Variants in ITGA9 observed in about 807,000 individuals in gnomAD.
ITGA9 encodes the protein integrin alpha-9.
A neutral mutation model predicts 127.8 loss-of-function variants in ITGA9; 56 were observed. The observed-to-expected ratio is 0.44, with a 90% CI of 0.35 to 0.55. The LOEUF (loss-of-function observed/expected upper bound fraction) is 0.55, where lower values mean the gene tolerates loss of function less well. Among genes scored for constraint, ITGA9 ranks in the 20% least tolerant of loss-of-function variants. The pLI is 0.00. For synonymous variants in ITGA9, 508 were observed against 514.5 expected (o/e 0.99, Z 0.17); for missense variants, 1,196 against 1,347.1 (o/e 0.89, Z 1.76).
In ITGA9 at chr3:37,452,485, C is replaced by A; in HGVS notation, c.111C>A (p.Pro37=). Residue 37 remains proline (P), a synonymous_variant, in exon 1 of 28, where the codon CCC becomes CCA. Transcript: ENST00000264741. The surrounding 1 kb of genome is among the most constrained non-coding windows in gnomAD (Gnocchi z 7.3). The part of the protein sequence containing the change: ...AGAYNLDPQR[P]VHFQGPADSF... ...CCTACAACCTCGACCCGCAGCGCCC[C>A]GTGCACTTCCAGGGCCCCGCTGACT... 6.6e-7 allele frequency: 1 copy of A among 1,516,340 alleles called. No homozygotes were observed. Among genetic ancestry groups the A allele is most frequent in the Non-Finnish European group, 8.8e-7 (1 of 1,131,766 alleles). 93.9% of individuals were successfully genotyped at this position (1,516,340 alleles called of 1,614,324 possible).
chr3:37,821,001 G>A lies in ITGA9; in HGVS notation c.*2012G>A, dbSNP rs1409454062. ...TTTTGGCAAAATTATGAGGGTGATG[G>A]GTGGGTACTAACCTGGCATGGAGCA... is the stretch of plus-strand genomic sequence containing the variant. On this transcript the variant is annotated 3_prime_UTR_variant, in exon 28 of 28. Transcript: ENST00000264741. 6.6e-6 allele frequency: 1 copy of A among 152,140 alleles called. No individual in the cohort carries two copies. Among genetic ancestry groups the A allele is most frequent in the Non-Finnish European group, 1.5e-5 (1 of 68,036 alleles). 9.4% of individuals were successfully genotyped at this position (152,140 alleles called of 1,614,324 possible).
At chr3:37,671,946 C>T (rs13080164) in intron 17 of ITGA9, among the ~76,000 whole-genome samples, 85,496 of 152,016 alleles carry the variant, frequency 0.56, 24,448 homozygotes, top group African/African-American at 0.66. Context: ...TAAATATGAA[C>T]ATAAAGCCAC....
At chr3:37,645,240 A>C (rs924221130) in intron 16 of ITGA9, among the ~76,000 whole-genome samples, 7 of 152,188 alleles carry the variant, frequency 4.6e-5, no homozygotes, top group African/African-American at 1.7e-4. Flanking sequence ...CCATAGGGGC[A>C]GAGACCTTCT....
chr3:37,503,271 G>A lies in ITGA9; in HGVS notation c.706G>A (p.Asp236Asn), dbSNP rs765759234. The change falls in exon 6 of 28, where the codon GAC (aspartate) becomes AAC (asparagine). Residue 236 changes from aspartate (D) to asparagine (N), a missense_variant. By Grantham distance (23) the Asp-to-Asn change is conservative (BLOSUM62 1). Coordinates refer to ENST00000264741, the MANE Select transcript of ITGA9 (RefSeq NM_002207.3). ...GGACAACACCTATTTAAAACTGAAC[G>A]ACGAAGTGATCATGAACAGGCGGTA... ...LTDNTYLKLNDEVIMNRRYTY... is the reference protein window; with the variant it reads ...LTDNTYLKLNNEVIMNRRYTY... 2.5e-6 allele frequency: 4 copies of A among 1,613,948 alleles called. No homozygotes were observed. The highest frequency in any genetic ancestry group is 1.7e-5 in the Admixed American group (1 of 60,000).
chr3:37,688,864 A>G (rs770503008), intron 18 of ITGA9, among the ~76,000 whole-genome samples: 73 of 152,088 alleles, frequency 4.8e-4, no homozygotes, highest in Non-Finnish European at 9.7e-4. Flanking sequence ...AGGTAGGTAG[A>G]TGACTGGCTG....
intron 3 of ITGA9, among the ~76,000 whole-genome samples, chr3:37,474,346 A>T: frequency 6.6e-6 from 1 of 152,192 alleles, no homozygotes; most frequent in African/African-American, 2.4e-5. Flanking sequence ...ATAATCACAA[A>T]TGGTTACTGG....
At position 37,563,527 on chromosome 3, in the gene ITGA9, G is replaced by A. The variant is rs568480946; in HGVS notation, c.1689+20942G>A. 7.9e-5 allele frequency among the ~76,000 whole-genome samples: 12 copies of A among 152,282 alleles called. No individual in the cohort carries two copies. In the South Asian group the frequency reaches 2.5e-3, roughly 32 times the overall value. On this transcript the variant is annotated intron_variant, in intron 15 of 27. Coordinates refer to ENST00000264741, the MANE Select transcript of ITGA9 (RefSeq NM_002207.3). ...TGGATAATCCCACCTCCCCATTCTGGATGTGCCAGCACTTTTCCTACTCAT... is the reference window on the plus strand; with the variant it reads ...TGGATAATCCCACCTCCCCATTCTGAATGTGCCAGCACTTTTCCTACTCAT...
chr3:37,665,942 A>T (rs1198828915), intron 17 of ITGA9, among the ~76,000 whole-genome samples: 1 of 152,218 alleles, frequency 6.6e-6, no homozygotes, highest in Non-Finnish European at 1.5e-5. Flanking sequence ...GAAGGGTGAC[A>T]TGCCCTTCCA....
At chr3:37,708,625 G>GAAT (rs1701035586) in intron 18 of ITGA9, among the ~76,000 whole-genome samples, 1 of 244 alleles carries the variant, frequency 4.1e-3, no homozygotes, top group Non-Finnish European at 0.01. Flanking sequence ...CATCTAGTGG[G>GAAT]TATGCCAGGG....
At chr3:37,521,018 C>T (rs1029637729) in intron 11 of ITGA9, among the ~76,000 whole-genome samples, 7 of 152,082 alleles carry the variant, frequency 4.6e-5, no homozygotes, top group East Asian at 1.9e-4. Context: ...TAGCGTGGAG[C>T]GTCTTTAGTG....
At chr3:37,689,060 G>A (rs1455909458) in intron 18 of ITGA9, among the ~76,000 whole-genome samples, 1 of 151,598 alleles carries the variant, frequency 6.6e-6, no homozygotes, top group Non-Finnish European at 1.5e-5. Flanking sequence ...CTGGCTGGGT[G>A]GATGGGTGGG....
chr3:37,751,809 C>T (rs1160295165), intron 23 of ITGA9, among the ~76,000 whole-genome samples: 1 of 152,164 alleles, frequency 6.6e-6, no homozygotes, highest in Non-Finnish European at 1.5e-5. Context: ...GAAACAAATC[C>T]TTTGGATTTT....
At chr3:37,783,583 C>T (rs1697003981) in intron 25 of ITGA9, among the ~76,000 whole-genome samples, 1 of 152,100 alleles carries the variant, frequency 6.6e-6, no homozygotes, top group Non-Finnish European at 1.5e-5. Flanking sequence ...GTGATCCTCC[C>T]ACTTCAGTCT....
intron 17 of ITGA9, among the ~76,000 whole-genome samples, chr3:37,655,098 G>A (rs995350555): frequency 3.3e-5 from 5 of 152,126 alleles, no homozygotes; most frequent in Admixed American, 2.0e-4. Flanking sequence ...ATCATTGATG[G>A]GCATTTGGGT....
At chr3:37,542,705 G>T (rs1437041663) in intron 15 of ITGA9, 120 bp downstream of exon 15, 6 of 981,868 alleles carry the variant, frequency 6.1e-6, no homozygotes, top group Non-Finnish European at 9.5e-6. Context: ...ATTTCACAGG[G>T]AGGAGCATAT....
intron 23 of ITGA9, among the ~76,000 whole-genome samples, chr3:37,760,857 T>A (rs1294471982): frequency 1.3e-5 from 2 of 152,082 alleles, no homozygotes; most frequent in Non-Finnish European, 2.9e-5. Context: ...AAATACATCA[T>A]AAGGGAAAAG....
At chr3:37,522,064 C>A (rs1013734423) in intron 11 of ITGA9, among the ~76,000 whole-genome samples, 1 of 152,026 alleles carries the variant, frequency 6.6e-6, no homozygotes, top group African/African-American at 2.4e-5. Context: ...AAAACTCCCC[C>A]CTCCTTGCCT....
chr3:37,661,794 A>G (rs963296937), intron 17 of ITGA9, among the ~76,000 whole-genome samples: 2 of 152,198 alleles, frequency 1.3e-5, no homozygotes, highest in African/African-American at 2.4e-5. Flanking sequence ...GCTGGGAGAT[A>G]GTGGTACCAC....
chr3:37,666,380 A>T (rs1022063467), intron 17 of ITGA9, among the ~76,000 whole-genome samples: 3 of 152,080 alleles, frequency 2.0e-5, no homozygotes, highest in Admixed American at 2.0e-4. Context: ...TCACCCCAGA[A>T]CTCCATGACT....
Sources: allele counts gnomAD v4.1 joint callset (sites outside exome capture counted in the v4.1 genomes callset), GRCh38; gene constraint gnomAD v4.1.1; non-coding constraint Gnocchi (gnomAD v3.1); transcripts MANE v1.5; gene names NCBI Gene and HGNC (gene_info 2026-07-23, HGNC 2026-07-21).